The following APC variants were observed in gnomAD, a reference collection of about 807,000 sequenced individuals.
The protein encoded by APC is APC regulator of Wnt signaling pathway, also known as adenomatous polyposis coli protein.
APC carries 72 observed loss-of-function variants against 247.0 expected under a neutral mutation model. The ratio of observed to expected loss-of-function variants is 0.29; its 90% CI spans 0.24 to 0.35. The LOEUF (loss-of-function observed/expected upper bound fraction) is 0.35. Among genes scored for constraint, APC ranks in the 10% least tolerant of loss-of-function variants. The pLI is 1.00. For missense variants in APC, 3,400 were observed against 3,360.7 expected (o/e 1.01, Z -0.29); for synonymous variants, 1,254 against 1,162.5 (o/e 1.08, Z -1.60).
At chr5:112,719,238 G>A (rs1426028307) in intron 1 of APC, among the ~76,000 whole-genome samples, 7 of 151,880 alleles carry the variant, frequency 4.6e-5, no homozygotes, top group African/African-American at 1.5e-4. Context: ...TCTTTCTTTG[G>A]ACAGAGTCTT....
chr5:112,741,808 C>T (rs1753064482), intron 1 of APC, among the ~76,000 whole-genome samples: 1 of 152,016 alleles, frequency 6.6e-6, no homozygotes, highest in African/African-American at 2.4e-5. Context: ...TTGGCAACCA[C>T]CACTCCACTT....
intron 5 of APC, among the ~76,000 whole-genome samples, chr5:112,778,975 G>A (rs928876732): frequency 1.3e-5 from 2 of 152,014 alleles, no homozygotes; most frequent in African/African-American, 2.4e-5. Context: ...AGAGAAAACC[G>A]TTTTGAAAAC....
chr5:112,770,548 G>C (rs1756921700), intron 4 of APC, among the ~76,000 whole-genome samples: 2 of 152,052 alleles, frequency 1.3e-5, no homozygotes, highest in African/African-American at 4.8e-5. Flanking sequence ...GCTTTATCTG[G>C]AGAGAAAGAG....
chr5:112,760,428 A>G (rs1371764945), intron 2 of APC, among the ~76,000 whole-genome samples: 3 of 152,208 alleles, frequency 2.0e-5, no homozygotes, highest in Non-Finnish European at 4.4e-5. Flanking sequence ...GGTCTCCTCA[A>G]GTCATTTGCC....
intron 7 of APC, among the ~76,000 whole-genome samples, chr5:112,794,244 C>T (rs1207315306): frequency 2.0e-5 from 3 of 152,072 alleles, no homozygotes; most frequent in African/African-American, 7.2e-5. Context: ...CCATGCCTGA[C>T]TAATTTTTGT....
rs1361289668 is a variant in APC at position 112,754,952 on chromosome 5, C to G, written c.62C>G (p.Ser21Ter). ...KQVEALKMEN[S>*]NLRQELEDNS... ...GTTGAGGCACTGAAGATGGAGAACTCAAATCTTCGACAAGAGCTAGAAGAT... is the reference window on the plus strand; with the variant it reads ...GTTGAGGCACTGAAGATGGAGAACTGAAATCTTCGACAAGAGCTAGAAGAT... Residue 21 changes from serine (S) to a stop codon, truncating the protein, a stop_gained, in exon 2 of 16, where the codon TCA becomes TGA. Transcript: ENST00000257430. LOFTEE classifies it high-confidence loss of function. The G allele has an allele frequency of 6.2e-7, 1 of 1,613,706 alleles. No individual in the cohort carries two copies. Among genetic ancestry groups the G allele is most frequent in the Admixed American group, 1.7e-5 (1 of 60,004 alleles).
At chr5:112,802,130 AGG>A (rs1760896548) in intron 8 of APC, among the ~76,000 whole-genome samples, 2 of 152,140 alleles carry the variant, frequency 1.3e-5, no homozygotes, top group Admixed American at 1.3e-4. Context: ...TTGTTCTTAA[AGG>A]TAATTTTTCT....
Position 112,807,000 on chromosome 5 carries a change from G to T in APC, c.834+5617G>T, listed in dbSNP as rs2707762. 3.3e-3 allele frequency among the ~76,000 whole-genome samples: 507 copies of T among 152,162 alleles called. 4 individuals are homozygous for T. The highest frequency in any genetic ancestry group is 5.4e-3 in the South Asian group (26 of 4,814). ...ATACAAAAATTAGCCAGGCATGGTG[G>T]CGTGCATCTGTAATCCCAGCTACTT... On this transcript the variant is annotated intron_variant, in intron 8 of 15. Transcript: ENST00000257430.
In APC at chr5:112,842,886, G is replaced by A. The variant is rs879254262; in HGVS notation, c.7292G>A (p.Arg2431Lys). ...AAATCAAGTGGAAGTGAATCTGATA[G>A]ATCAGAAAGACCTGTATTAGTACGC... ...STKSSGSESD[R>K]SERPVLVRQS... The change falls in exon 16 of 16, where the codon AGA becomes AAA. Residue 2431 changes from arginine to lysine, a missense_variant. Physicochemically the swap from Arg to Lys is conservative, Grantham distance 26. This residue lies in a region of APC where 1,788 missense variants were observed against 1,649.5 expected (regional missense o/e 1.08). Coordinates refer to ENST00000257430, the MANE Select transcript of APC (RefSeq NM_000038.6). 1.8e-5 allele frequency: 29 copies of A among 1,614,018 alleles called. No individual in the cohort carries two copies. The highest frequency in any genetic ancestry group is 2.2e-5 in the Non-Finnish European group (26 of 1,179,952).
In APC at chr5:112,839,305, G is replaced by C. The variant is rs756939805; in HGVS notation, c.3711G>C (p.Gln1237His). 1 of 1,614,044 alleles carries C rather than the reference G, an allele frequency of 6.2e-7. No individual in the cohort carries two copies. The highest frequency in any genetic ancestry group is 8.5e-7 in the Non-Finnish European group (1 of 1,179,952). The change falls in exon 16 of 16, where the codon CAG (glutamine) becomes CAC (histidine). Residue 1237 changes from glutamine (Q) to histidine (H), a missense_variant. Physicochemically the swap from Gln to His is conservative, Grantham distance 24 (BLOSUM62 0). Around this residue, in one of 9 missense-constraint regions of APC, gnomAD observed 715 missense variants for 656.6 expected, o/e 1.09. Transcript: ENST00000257430. The surrounding 1 kb of genome is among the most constrained non-coding windows in gnomAD (Gnocchi z 5.0). ...ATCAGCTCCATCCAAGTTCTGCACA[G>C]AGTAGAAGTGGTCAGCCTCAAAAGG... is the stretch of plus-strand genomic sequence containing the variant. ...RQNQLHPSSAQSRSGQPQKAA... is the reference protein window; with the variant it reads ...RQNQLHPSSAHSRSGQPQKAA...
At chr5:112,765,139 C>G (rs897001150) in intron 2 of APC, among the ~76,000 whole-genome samples, 1 of 152,180 alleles carries the variant, frequency 6.6e-6, no homozygotes, top group Non-Finnish European at 1.5e-5. Context: ...AGGTCTCACT[C>G]TGTCCCCCAG....
intron 1 of APC, among the ~76,000 whole-genome samples, chr5:112,752,547 G>A (rs534596455): frequency 6.6e-6 from 1 of 152,296 alleles, no homozygotes; most frequent in East Asian, 1.9e-4. Flanking sequence ...TCTCAGTAAA[G>A]TGAAAGATTG....
intron 1 of APC, among the ~76,000 whole-genome samples, chr5:112,708,295 G>A (rs532705878): frequency 6.6e-6 from 1 of 152,182 alleles, no homozygotes; most frequent in African/African-American, 2.4e-5. Flanking sequence ...GGCATGTGGA[G>A]TTACAAAGAA....
intron 1 of APC, 121 bp downstream of exon 1, chr5:112,738,046 A>G: frequency 1.6e-6 from 1 of 641,492 alleles, no homozygotes; most frequent in Non-Finnish European, 1.9e-6. Flanking sequence ...AGCATGCCAA[A>G]CGAGGAGGCA....
Position 112,801,610 on chromosome 5 carries a change from A to T in APC, c.834+227A>T, listed in dbSNP as rs576711248. On this transcript the variant is annotated intron_variant, in intron 8 of 15. Coordinates refer to ENST00000257430, the MANE Select transcript of APC (RefSeq NM_000038.6). ...TTCTATAGCTATAGATTGTGTGTTTATGTTTTAGTCTAAAATGATTGTGAG... is the reference window on the plus strand; with the variant it reads ...TTCTATAGCTATAGATTGTGTGTTTTTGTTTTAGTCTAAAATGATTGTGAG... Among the ~76,000 whole-genome samples the T allele has an allele frequency of 2.0e-5, 3 of 152,058 alleles. No individual in the cohort carries two copies. In the South Asian group the frequency reaches 6.2e-4, roughly 31 times the overall value.
chr5:112,707,521 A>C (rs1750570165), upstream of APC: 1 of 475,182 alleles, frequency 2.1e-6, no homozygotes, highest in Non-Finnish European at 3.8e-6. Flanking sequence ...CCCACCTCCC[A>C]CAAGATGGCG....
chr5:112,826,750 T>C (rs930135493), intron 11 of APC, among the ~76,000 whole-genome samples: 2 of 151,920 alleles, frequency 1.3e-5, no homozygotes, highest in Admixed American at 1.3e-4. Flanking sequence ...ATAATAATAA[T>C]AAGTTACCTT....
At chr5:112,804,275 C>T (rs1375110828) in intron 8 of APC, among the ~76,000 whole-genome samples, 1 of 152,214 alleles carries the variant, frequency 6.6e-6, no homozygotes, top group Non-Finnish European at 1.5e-5. Context: ...TTCCTTCCTT[C>T]TTAAAGTCCT....
At chr5:112,734,224 TAGAC>T (rs1176611710), upstream of APC, among the ~76,000 whole-genome samples, 1 of 152,128 alleles carries the variant, frequency 6.6e-6, no homozygotes, top group African/African-American at 2.4e-5. Flanking sequence ...GGTGGATGGA[TAGAC>T]AGACAGACAT....
Sources: allele counts gnomAD v4.1 joint callset (sites outside exome capture counted in the v4.1 genomes callset), GRCh38; gene constraint gnomAD v4.1.1; regional missense constraint gnomAD v4.1.1; non-coding constraint Gnocchi (gnomAD v3.1); transcripts MANE v1.5; gene names NCBI Gene and HGNC (gene_info 2026-07-23, HGNC 2026-07-21).